Variants in AGBL4 observed in about 807,000 individuals in gnomAD.
AGBL4 encodes the protein AGBL carboxypeptidase 4.
Under a neutral mutation model 66.4 loss-of-function variants are expected in AGBL4, and 58 were observed. The ratio of observed to expected loss-of-function variants is 0.87; its 90% CI spans 0.71 to 1.09. The LOEUF (loss-of-function observed/expected upper bound fraction) is 1.09, where lower values mean the gene tolerates loss of function less well. AGBL4 is among the 50% of genes least tolerant of loss of function. The pLI, the probability that AGBL4 is intolerant of heterozygous loss-of-function variation, is 0.00. For synonymous variants in AGBL4, 234 were observed against 222.9 expected (o/e 1.05, Z -0.44); for missense variants, 579 against 631.0 (o/e 0.92, Z 0.88).
At position 49,967,655 on chromosome 1, in the gene AGBL4, TA is replaced by T. The variant is rs1388768523; in HGVS notation, c.34+56107del. Among the ~76,000 whole-genome samples, 7 of 152,046 alleles carry T rather than the reference TA, an allele frequency of 4.6e-5. 1 individual carries two copies. Among genetic ancestry groups the T allele is most frequent in the South Asian group, 2.1e-4 (1 of 4,808 alleles). ...CTTAAAGTATAATCAAAAAATTGAT[TA>T]AAAAAATAAAAAATAAAGATTATAC... On this transcript the variant is annotated intron_variant, in intron 1 of 13. Transcript: ENST00000371839.
At chr1:49,751,370 T>C (rs1399902424) in intron 2 of AGBL4, among the ~76,000 whole-genome samples, 6 of 152,240 alleles carry the variant, frequency 3.9e-5, no homozygotes, top group Non-Finnish European at 7.3e-5. Flanking sequence ...TCTGTTTATG[T>C]CATGAATTAC....
At chr1:49,539,131 T>C (rs1022312394) in intron 3 of AGBL4, among the ~76,000 whole-genome samples, 2 of 152,150 alleles carry the variant, frequency 1.3e-5, no homozygotes, top group Non-Finnish European at 2.9e-5. Context: ...TTTATTGATA[T>C]GGAAATATAT....
intron 3 of AGBL4, among the ~76,000 whole-genome samples, chr1:49,331,532 C>T (rs1053671101): frequency 3.9e-5 from 6 of 152,190 alleles, no homozygotes; most frequent in African/African-American, 1.4e-4. Context: ...TTTACCAAAA[C>T]GTCTGTTTTA....
chr1:49,371,817 CTGTGTGTGTGTGTGTGTG>C (rs55882947), intron 3 of AGBL4, among the ~76,000 whole-genome samples: 413 of 140,058 alleles, frequency 2.9e-3, no homozygotes, highest in Non-Finnish European at 4.0e-3. Flanking sequence ...TTTTCAAACT[CTGTGTGTGTGTGTGTGTG>C]TGTGTGTGTG....
intron 3 of AGBL4, among the ~76,000 whole-genome samples, chr1:49,490,079 G>C (rs566138990): frequency 1.8e-4 from 27 of 151,922 alleles, no homozygotes; most frequent in African/African-American, 6.3e-4. Context: ...ATGTCAAATA[G>C]AGGTAGTGGC....
intron 5 of AGBL4, among the ~76,000 whole-genome samples, chr1:48,869,909 G>C (rs993774266): frequency 3.9e-5 from 6 of 152,118 alleles, no homozygotes; most frequent in African/African-American, 1.2e-4. Context: ...ATTAATTTTA[G>C]TAAAATCAGT....
At chr1:49,724,238 T>G (rs556696679) in intron 2 of AGBL4, among the ~76,000 whole-genome samples, 226 of 152,246 alleles carry the variant, frequency 1.5e-3, no homozygotes, top group Non-Finnish European at 2.5e-3. Context: ...ATGGAAATGT[T>G]CAAGAAGCAC....
At chr1:48,684,227 C>T (rs1247399773) in intron 6 of AGBL4, among the ~76,000 whole-genome samples, 4 of 152,190 alleles carry the variant, frequency 2.6e-5, no homozygotes, top group East Asian at 3.8e-4. Context: ...TGAAGTCAAA[C>T]GGATTGGCTC....
chr1:48,845,099 A>T (rs1483789500), intron 6 of AGBL4, among the ~76,000 whole-genome samples: 1 of 152,174 alleles, frequency 6.6e-6, no homozygotes, highest in Non-Finnish European at 1.5e-5. Flanking sequence ...GAAGGAAGTG[A>T]ATATTTCTTG....
chr1:49,875,636 T>G (rs901368291), intron 1 of AGBL4, among the ~76,000 whole-genome samples: 1 of 149,174 alleles, frequency 6.7e-6, no homozygotes, highest in African/African-American at 2.5e-5. Context: ...TGTGTCTTTA[T>G]AGCAGCATGA....
chr1:48,729,377 G>T (rs535355937), intron 6 of AGBL4, among the ~76,000 whole-genome samples: 1 of 152,286 alleles, frequency 6.6e-6, no homozygotes, highest in African/African-American at 2.4e-5. Flanking sequence ...TGTACCACGG[G>T]AATGTGTAAT....
chr1:49,055,230 A>G (rs1256583447), intron 4 of AGBL4, among the ~76,000 whole-genome samples: 1 of 152,010 alleles, frequency 6.6e-6, no homozygotes, highest in East Asian at 1.9e-4. Flanking sequence ...TCTACATTTG[A>G]TGAACATTTA....
intron 2 of AGBL4, among the ~76,000 whole-genome samples, chr1:49,720,852 A>G (rs1193693779): frequency 6.6e-6 from 1 of 152,174 alleles, no homozygotes; most frequent in Non-Finnish European, 1.5e-5. Context: ...CAAGACTTGC[A>G]AAGAGTTAAC....
chr1:49,457,083 G>A (rs1400443252), intron 3 of AGBL4, among the ~76,000 whole-genome samples: 2 of 151,772 alleles, frequency 1.3e-5, no homozygotes, highest in African/African-American at 2.4e-5. Context: ...CCTCTGGGTA[G>A]ATACCTAGTA....
intron 5 of AGBL4, among the ~76,000 whole-genome samples, chr1:49,001,490 C>G (rs1481548228): frequency 2.0e-5 from 3 of 152,158 alleles, no homozygotes; most frequent in East Asian, 3.9e-4. Flanking sequence ...GGAGGGTCCT[C>G]TCCATGAACA....
intron 4 of AGBL4, among the ~76,000 whole-genome samples, chr1:49,163,132 C>G (rs145565064): frequency 6.6e-6 from 1 of 152,304 alleles, no homozygotes; most frequent in East Asian, 1.9e-4. Context: ...ACGCTTGGAA[C>G]TATTTTAGTG....
chr1:49,432,897 G>C (rs189487652), intron 3 of AGBL4, among the ~76,000 whole-genome samples: 3 of 152,310 alleles, frequency 2.0e-5, no homozygotes, highest in Admixed American at 1.3e-4. Context: ...AAAGGGTTGG[G>C]ACATTCAGTT....
chr1:49,396,724 C>A (rs944935449), intron 3 of AGBL4, among the ~76,000 whole-genome samples: 5 of 152,108 alleles, frequency 3.3e-5, no homozygotes, highest in Admixed American at 3.3e-4. Context: ...ACTTCCTGAT[C>A]CCACTCCTCT....
chr1:49,347,762 C>T (rs1318386794), intron 3 of AGBL4, among the ~76,000 whole-genome samples: 1 of 151,266 alleles, frequency 6.6e-6, no homozygotes, highest in Non-Finnish European at 1.5e-5. Context: ...CGGGAGGCTG[C>T]AGCAGGAGAA....
Sources: allele counts gnomAD v4.1 joint callset (sites outside exome capture counted in the v4.1 genomes callset), GRCh38; gene constraint gnomAD v4.1.1; transcripts MANE v1.5; gene names NCBI Gene and HGNC (gene_info 2026-07-23, HGNC 2026-07-21).